Variants in PHF21A observed in about 807,000 individuals in gnomAD.
The protein encoded by PHF21A is PHD finger protein 21A.
A neutral mutation model predicts 82.5 loss-of-function variants in PHF21A; 11 were observed. The ratio of observed to expected loss-of-function variants is 0.13; its 90% CI spans 0.08 to 0.22. The LOEUF is 0.22. PHF21A is among the 10% of genes least tolerant of loss of function. The probability of loss-of-function intolerance (pLI) is 1.00; values close to 1 mark genes in which losing one functional copy is unlikely to be tolerated. For synonymous variants in PHF21A, 297 were observed against 302.8 expected (o/e 0.98, Z 0.20); for missense variants, 579 against 837.8 (o/e 0.69, Z 3.81).
chr11:45,986,516 A>C (rs941507234), intron 6 of PHF21A, among the ~76,000 whole-genome samples: 6 of 152,224 alleles, frequency 3.9e-5, no homozygotes, highest in African/African-American at 1.4e-4. Context: ...GTATAAACAC[A>C]TAAACTACAA....
At chr11:46,115,500 T>C (rs1258453617) in intron 1 of PHF21A, among the ~76,000 whole-genome samples, 1 of 152,138 alleles carries the variant, frequency 6.6e-6, no homozygotes, top group Non-Finnish European at 1.5e-5. Flanking sequence ...ATAAATTCAA[T>C]GCAATGTTAA....
intron 6 of PHF21A, among the ~76,000 whole-genome samples, chr11:46,016,349 CT>C (rs1173805643): frequency 6.6e-6 from 1 of 152,188 alleles, no homozygotes; most frequent in African/African-American, 2.4e-5. Flanking sequence ...ATTTAAGGCC[CT>C]TAACAACTAT....
At chr11:46,082,790 T>C (rs2096808330) in intron 4 of PHF21A, among the ~76,000 whole-genome samples, 1 of 152,194 alleles carries the variant, frequency 6.6e-6, no homozygotes, top group Non-Finnish European at 1.5e-5. Context: ...AGTAATTAAC[T>C]TCAATTAATT....
At chr11:45,958,862 G>T (rs928700365) in intron 10 of PHF21A, among the ~76,000 whole-genome samples, 1 of 152,130 alleles carries the variant, frequency 6.6e-6, no homozygotes, top group Admixed American at 6.5e-5. Flanking sequence ...AGGCTGCAGT[G>T]AGCTGCAATT....
intron 15 of PHF21A, among the ~76,000 whole-genome samples, chr11:45,943,568 T>C (rs1235425133): frequency 6.6e-6 from 1 of 152,226 alleles, no homozygotes; most frequent in East Asian, 1.9e-4. Context: ...CCTTTTCTTC[T>C]GCATATTTTA....
At chr11:45,966,142 C>T (rs2093421167) in intron 9 of PHF21A, among the ~76,000 whole-genome samples, 1 of 152,070 alleles carries the variant, frequency 6.6e-6, no homozygotes, top group Non-Finnish European at 1.5e-5. Context: ...TCTCATTATT[C>T]CTAGGAGCTT....
chr11:45,998,647 G>T (rs1390738307), intron 6 of PHF21A, among the ~76,000 whole-genome samples: 2 of 151,672 alleles, frequency 1.3e-5, no homozygotes, highest in Non-Finnish European at 1.5e-5. Context: ...CGAGTAGCTG[G>T]GATTACAGGT....
At chr11:45,975,271 A>G (rs1405774986) in intron 7 of PHF21A, among the ~76,000 whole-genome samples, 1 of 151,880 alleles carries the variant, frequency 6.6e-6, no homozygotes, top group Non-Finnish European at 1.5e-5. Context: ...CCGTAATTGC[A>G]CCATTGCACT....
At chr11:45,963,614 T>C (rs1053818338) in intron 10 of PHF21A, among the ~76,000 whole-genome samples, 3 of 152,076 alleles carry the variant, frequency 2.0e-5, no homozygotes, top group African/African-American at 7.2e-5. Flanking sequence ...GTACTATCTT[T>C]GTAATCAGAA....
intron 1 of PHF21A, among the ~76,000 whole-genome samples, chr11:46,106,818 T>C (rs1278295953): frequency 6.6e-6 from 1 of 152,240 alleles, no homozygotes; most frequent in African/African-American, 2.4e-5. Flanking sequence ...AGGCAGCCCT[T>C]TCCCTTTTGG....
intron 1 of PHF21A, among the ~76,000 whole-genome samples, chr11:46,102,148 G>T (rs933521807): frequency 6.6e-6 from 1 of 151,306 alleles, no homozygotes; most frequent in Non-Finnish European, 1.5e-5. Context: ...GAGCCACCAC[G>T]CCTGTCCCTG....
rs553752102 is a variant in PHF21A, at chr11:46,079,226, C to G, written c.55-60G>C. Reference sequence around the variant, plus strand: ...TACATATTAACTCCCTATGGCTAATCAGGTTTGGACCAAAAAATCTAGGAT... The same window carrying G: ...TACATATTAACTCCCTATGGCTAATGAGGTTTGGACCAAAAAATCTAGGAT... On this transcript the variant is annotated intron_variant, in intron 4 of 18. Coordinates refer to ENST00000676320, the MANE Select transcript of PHF21A (RefSeq NM_001352027.3). 3.0e-5 allele frequency: 36 copies of G among 1,200,062 alleles called. No individual in the cohort carries two copies. In the African/African-American group the frequency reaches 5.0e-4, roughly 17 times the overall value. The allele number at this position is 1,200,062 out of a possible 1,614,324, so 74.3% of individuals were successfully genotyped here.
At chr11:46,076,696 G>T in intron 6 of PHF21A, 58 bp downstream of exon 6, 1 of 1,345,078 alleles carries the variant, frequency 7.4e-7, no homozygotes, top group Non-Finnish European at 1.1e-6. Context: ...GAAGCCTCGA[G>T]CAGACATATC....
intron 6 of PHF21A, among the ~76,000 whole-genome samples, chr11:46,060,052 T>C (rs1244017638): frequency 6.6e-6 from 1 of 152,142 alleles, no homozygotes. Flanking sequence ...CCATTTTATT[T>C]TTTAATATAA....
rs372668531 is a variant in PHF21A at position 45,971,736 on chromosome 11, T to C, written c.361-369A>G. 3.9e-5 allele frequency among the ~76,000 whole-genome samples: 6 copies of C among 152,112 alleles called. No individual in the cohort carries two copies. The East Asian group carries it at 1.2e-3, about 29-fold the overall frequency. On this transcript the variant is annotated intron_variant, in intron 7 of 18. Transcript: ENST00000676320. ...AGTTCTTTGCTTGCTGTCAATTAAT[T>C]TAAACTTTGTACTAGTTGCAAATCA...
At chr11:45,973,796 G>A (rs1386501229) in intron 7 of PHF21A, among the ~76,000 whole-genome samples, 2 of 152,168 alleles carry the variant, frequency 1.3e-5, no homozygotes, top group Non-Finnish European at 2.9e-5. Flanking sequence ...ACCAGATGGC[G>A]TTCAATCCAG....
chr11:45,957,721 TAAGA>T (rs753169487), intron 10 of PHF21A, among the ~76,000 whole-genome samples: 1 of 53,396 alleles, frequency 1.9e-5, no homozygotes, highest in Non-Finnish European at 4.2e-5. Context: ...CTTTACACCT[TAAGA>T]AACAGAAAAA....
intron 1 of PHF21A, among the ~76,000 whole-genome samples, chr11:46,111,204 C>CA (rs1449606563): frequency 6.6e-6 from 1 of 151,632 alleles, no homozygotes; most frequent in Non-Finnish European, 1.5e-5. Flanking sequence ...CGTGGTGGCT[C>CA]ACGCCTGTAA....
At chr11:46,105,592 C>T (rs945738751) in intron 1 of PHF21A, among the ~76,000 whole-genome samples, 1 of 152,118 alleles carries the variant, frequency 6.6e-6, no homozygotes, top group African/African-American at 2.4e-5. Context: ...CCTTCCATCA[C>T]CCCTTCTTCT....
Sources: allele counts gnomAD v4.1 joint callset (sites outside exome capture counted in the v4.1 genomes callset), GRCh38; gene constraint gnomAD v4.1.1; transcripts MANE v1.5; gene names NCBI Gene and HGNC (gene_info 2026-07-23, HGNC 2026-07-21).